The following PCDHGA2 variants were observed in gnomAD, a reference collection of about 807,000 sequenced individuals.
PCDHGA2 encodes the protein protocadherin gamma-A2.
Under a neutral mutation model 59.2 loss-of-function variants are expected in PCDHGA2, and 40 were observed. The ratio of observed to expected loss-of-function variants is 0.68; its 90% CI spans 0.52 to 0.88. The LOEUF (loss-of-function observed/expected upper bound fraction) is 0.88. Ranked by LOEUF, PCDHGA2 falls within the 40% of genes least tolerant of loss-of-function variation. PCDHGA2 has a pLI of 0.00. For missense variants in PCDHGA2, 1,226 were observed against 1,204.0 expected (o/e 1.02, Z -0.27); for synonymous variants, 560 against 526.0 (o/e 1.06, Z -0.89).
rs374896827 is a variant in PCDHGA2 at position 141,366,348 on chromosome 5, C to A, written c.2424+24953C>A. 54 of 1,613,830 alleles carry A rather than the reference C, an allele frequency of 3.3e-5. No individual in the cohort carries two copies. In the African/African-American group the frequency reaches 6.7e-4, roughly 20 times the overall value. On this transcript the variant is annotated intron_variant, in intron 1 of 3. Transcript: ENST00000394576. ...GCCGACAGGATCCCTGACATCCTGG[C>A]TGACCTAGGCAGTATCAAGACCCCC...
chr5:141,410,598 C>T, intron 1 of PCDHGA2: 2 of 1,608,528 alleles, frequency 1.2e-6, no homozygotes, highest in Non-Finnish European at 1.7e-6. Context: ...GATTTGACTT[C>T]ACATCCTGAG....
At chr5:141,355,668 A>G in intron 1 of PCDHGA2, 3 of 1,614,018 alleles carry the variant, frequency 1.9e-6, no homozygotes, top group Non-Finnish European at 2.5e-6. Context: ...CTCTTCCTGA[A>G]GCTTTTGATC....
intron 1 of PCDHGA2, chr5:141,393,684 T>C (rs1399508154): frequency 9.9e-6 from 16 of 1,613,904 alleles, no homozygotes; most frequent in Non-Finnish European, 1.3e-5. Flanking sequence ...ACAAACTCCG[T>C]TATTCCAGCT....
chr5:141,362,471 A>T (rs1762524993), intron 1 of PCDHGA2: 6 of 1,614,018 alleles, frequency 3.7e-6, no homozygotes, highest in Non-Finnish European at 5.1e-6. Context: ...CCCGCGCAAG[A>T]TCTCGTCTGT....
At chr5:141,399,019 A>AC in intron 1 of PCDHGA2, 1 of 1,613,932 alleles carries the variant, frequency 6.2e-7, no homozygotes, top group Non-Finnish European at 8.5e-7. Context: ...CGGAGAAATT[A>AC]CCACTCAAAA....
intron 1 of PCDHGA2, chr5:141,384,782 C>G (rs746906389): frequency 6.2e-7 from 1 of 1,613,642 alleles, no homozygotes; most frequent in Non-Finnish European, 8.5e-7. Flanking sequence ...GAGGTGCGCA[C>G]GGCTCGGGCC....
At chr5:141,421,213 G>C (rs916345810) in intron 1 of PCDHGA2, 3 of 1,548,472 alleles carry the variant, frequency 1.9e-6, no homozygotes, top group Admixed American at 4.1e-5. Context: ...GCGGAATATC[G>C]GCTTAGAGCC....
At chr5:141,370,272 A>T (rs1331315673) in intron 1 of PCDHGA2, 1 of 794,344 alleles carries the variant, frequency 1.3e-6, no homozygotes, top group Non-Finnish European at 1.9e-6. Context: ...TGCAGCGGAG[A>T]CACCCATTAG....
intron 1 of PCDHGA2, chr5:141,403,373 A>C: frequency 6.2e-7 from 1 of 1,614,074 alleles, no homozygotes; most frequent in Non-Finnish European, 8.5e-7. Flanking sequence ...TCTGGAAGTA[A>C]AAATTAACGA....
intron 1 of PCDHGA2, chr5:141,372,294 G>C (rs536487253): frequency 6.2e-7 from 1 of 1,613,280 alleles, no homozygotes; most frequent in Non-Finnish European, 8.5e-7. Flanking sequence ...TACCTTGGGC[G>C]ACAGGGAGGC....
At chr5:141,412,264 CT>C (rs765219351) in intron 1 of PCDHGA2, 4 of 152,206 alleles carry the variant, frequency 2.6e-5, no homozygotes, top group Non-Finnish European at 4.4e-5. Context: ...TTTTCTAAAA[CT>C]TTTAGTACTT....
chr5:141,420,067 A>G (rs2096463342), intron 1 of PCDHGA2: 2 of 1,614,034 alleles, frequency 1.2e-6, no homozygotes, highest in East Asian at 2.2e-5. Flanking sequence ...CCAAGTCCGG[A>G]CCTGTGGGTC....
intron 1 of PCDHGA2, chr5:141,366,519 G>T: frequency 6.2e-7 from 1 of 1,614,256 alleles, no homozygotes; most frequent in Non-Finnish European, 8.5e-7. Context: ...GCTGAAGGCA[G>T]CAGGTTGGCG....
intron 1 of PCDHGA2, among the ~76,000 whole-genome samples, chr5:141,480,689 C>A (rs1266042791): frequency 6.6e-6 from 1 of 152,126 alleles, no homozygotes; most frequent in Non-Finnish European, 1.5e-5. Flanking sequence ...AATTCTGAAA[C>A]CCAGGCCACA....
At chr5:141,395,076 C>A (rs1384743817) in intron 1 of PCDHGA2, 1 of 1,614,142 alleles carries the variant, frequency 6.2e-7, no homozygotes, top group Admixed American at 1.7e-5. Context: ...GACCTATTCC[C>A]AGGAAGTCTC....
chr5:141,339,238 G>A lies in PCDHGA2; in HGVS notation c.267G>A (p.Arg89=). 7.4e-6 allele frequency: 12 copies of A among 1,614,270 alleles called. No individual in the cohort carries two copies. The highest frequency in any genetic ancestry group is 1.6e-4 in the Middle Eastern group (1 of 6,062). The change falls in exon 1 of 4, where the codon AGG becomes AGA. Residue 89 remains arginine, a synonymous_variant. Transcript: ENST00000394576. ...PRSGSLVTAN[R]IDREELCAQS... Reference sequence around the variant, plus strand: ...GCGGCAGCTTGGTCACTGCGAACAGGATAGACCGGGAGGAGCTCTGCGCTC... The same window carrying A: ...GCGGCAGCTTGGTCACTGCGAACAGAATAGACCGGGAGGAGCTCTGCGCTC...
chr5:141,480,694 G>A (rs1446014656), intron 1 of PCDHGA2, among the ~76,000 whole-genome samples: 1 of 152,128 alleles, frequency 6.6e-6, no homozygotes, highest in Non-Finnish European at 1.5e-5. Flanking sequence ...TGAAACCCAG[G>A]CCACACCCCG....
chr5:141,510,944 C>T lies in PCDHGA2; in HGVS notation c.2573-3C>T, dbSNP rs772921698. 2 of 1,614,120 alleles carry T rather than the reference C, an allele frequency of 1.2e-6. No individual in the cohort carries two copies. Among genetic ancestry groups the T allele is most frequent in the South Asian group, 2.2e-5 (2 of 91,080 alleles). On this transcript the variant is annotated splice_region_variant and splice_polypyrimidine_tract_variant and intron_variant, in intron 3 of 3. Transcript: ENST00000394576. Reference sequence around the variant, plus strand: ...CCCACCTGATCTTCCTCTGTCTCTGCAGAAGCTGCTGATGGGAGCTCCACC... The same window carrying T: ...CCCACCTGATCTTCCTCTGTCTCTGTAGAAGCTGCTGATGGGAGCTCCACC...
intron 1 of PCDHGA2, among the ~76,000 whole-genome samples, chr5:141,482,530 C>CAAAAAAAAAAAAAA (rs3074545): frequency 1.2e-4 from 9 of 76,558 alleles, no homozygotes; most frequent in African/African-American, 3.8e-4. Flanking sequence ...GACAGACATG[C>CAAAAAAAAAAAAAA]AAAAAAAAAA....
Sources: allele counts gnomAD v4.1 joint callset (sites outside exome capture counted in the v4.1 genomes callset), GRCh38; gene constraint gnomAD v4.1.1; transcripts MANE v1.5; gene names NCBI Gene and HGNC (gene_info 2026-07-23, HGNC 2026-07-21).